LARP1: variants seen among roughly 807,000 people sequenced by gnomAD.
LARP1 encodes la-related protein 1.
In LARP1, 36 loss-of-function variants were observed where a neutral mutation model predicts 122.7. That is an observed-to-expected ratio of 0.29 (90% CI 0.22 to 0.39). The LOEUF is 0.39. LARP1 is among the 10% of genes least tolerant of loss of function. The pLI is 1.00. For missense variants in LARP1, 1,040 were observed against 1,403.6 expected, an observed-to-expected ratio of 0.74 and a Z score of 4.14; for synonymous variants, 539 against 528.7, an observed-to-expected ratio of 1.02 and a Z score of -0.27.
chr5:154,800,671 TTAC>T (rs976896832), intron 10 of LARP1, among the ~76,000 whole-genome samples: 9 of 152,192 alleles, frequency 5.9e-5, no homozygotes, highest in African/African-American at 1.2e-4. Flanking sequence ...CTAACTAAAA[TTAC>T]TACTTCCTTT....
upstream of LARP1, among the ~76,000 whole-genome samples, chr5:154,709,677 C>T (rs957982246): frequency 5.7e-5 from 8 of 140,480 alleles, no homozygotes. Flanking sequence ...GTGACCAAGG[C>T]GAGTGTGCAG....
At chr5:154,705,059 A>C (rs991964166) in intron 1 of LARP1, among the ~76,000 whole-genome samples, 4 of 146,464 alleles carry the variant, frequency 2.7e-5, no homozygotes, top group Non-Finnish European at 6.0e-5. Context: ...CGGAGGTTGC[A>C]GTGAGCTGAG....
intron 1 of LARP1, among the ~76,000 whole-genome samples, chr5:154,781,506 T>C (rs1013238906): frequency 1.3e-5 from 2 of 151,728 alleles, no homozygotes; most frequent in Non-Finnish European, 2.9e-5. Flanking sequence ...GGCAGGAGAA[T>C]GGCGTGATCC....
At chr5:154,789,192 C>G (rs1321507508) in intron 1 of LARP1, among the ~76,000 whole-genome samples, 1 of 145,718 alleles carries the variant, frequency 6.9e-6, no homozygotes, top group African/African-American at 2.5e-5. Flanking sequence ...GCCTGGGTGA[C>G]AGAGCGAGAC....
intron 1 of LARP1, among the ~76,000 whole-genome samples, chr5:154,786,188 G>A (rs1052619291): frequency 7.0e-4 from 107 of 152,076 alleles, no homozygotes; most frequent in African/African-American, 2.5e-3. Flanking sequence ...GAATACAGGC[G>A]CCCACCACAC....
At chr5:154,784,954 G>GT (rs1433123220) in intron 1 of LARP1, among the ~76,000 whole-genome samples, 3 of 152,212 alleles carry the variant, frequency 2.0e-5, no homozygotes, top group Non-Finnish European at 2.9e-5. Flanking sequence ...AGCCTGGCCT[G>GT]TTTTCCTTTT....
At chr5:154,686,430 G>A (rs1330528610) in intron 1 of LARP1, among the ~76,000 whole-genome samples, 1 of 152,206 alleles carries the variant, frequency 6.6e-6, no homozygotes, top group Non-Finnish European at 1.5e-5. Context: ...AAAGTTCAAT[G>A]TGTTCCTAAG....
At chr5:154,799,389 G>C (rs374337801) in intron 8 of LARP1, among the ~76,000 whole-genome samples, 20 of 152,236 alleles carry the variant, frequency 1.3e-4, no homozygotes, top group African/African-American at 4.6e-4. Context: ...AAAAGGGTAG[G>C]TGTATTTATT....
At chr5:154,687,711 A>G (rs1435715858) in intron 1 of LARP1, among the ~76,000 whole-genome samples, 2 of 152,068 alleles carry the variant, frequency 1.3e-5, no homozygotes, top group Non-Finnish European at 2.9e-5. Context: ...GAGGCTGGGC[A>G]CTCATGCCAG....
intron 8 of LARP1, among the ~76,000 whole-genome samples, chr5:154,796,903 G>A (rs971258518): frequency 6.6e-6 from 1 of 152,112 alleles, no homozygotes; most frequent in African/African-American, 2.4e-5. Flanking sequence ...AGTGAGATTT[G>A]GTGGTTTGTT....
chr5:154,711,419 C>T (rs189868879), upstream of LARP1, among the ~76,000 whole-genome samples: 88 of 152,186 alleles, frequency 5.8e-4, no homozygotes, highest in Non-Finnish European at 1.1e-3. Flanking sequence ...GGATTACAGG[C>T]GTGAGCCACC....
At chr5:154,801,681 G>C (rs1758364288) in intron 10 of LARP1, among the ~76,000 whole-genome samples, 1 of 152,314 alleles carries the variant, frequency 6.6e-6, no homozygotes, top group African/African-American at 2.4e-5. Context: ...CTGAACTTCT[G>C]TGTGTCCACT....
At chr5:154,684,557 C>T (rs886839539) in intron 1 of LARP1, among the ~76,000 whole-genome samples, 3 of 152,104 alleles carry the variant, frequency 2.0e-5, no homozygotes, top group African/African-American at 7.2e-5. Flanking sequence ...GACCCTCCTG[C>T]CTTTGAGTAG....
chr5:154,740,033 T>C (rs1299541866), intron 1 of LARP1, among the ~76,000 whole-genome samples: 1 of 139,362 alleles, frequency 7.2e-6, no homozygotes, highest in Non-Finnish European at 1.5e-5. Context: ...ACCTTGTCTC[T>C]AAAAATGCCA....
intron 13 of LARP1, 27 bp from the exon 14 acceptor site, chr5:154,804,174 T>C (rs1758567099): frequency 3.2e-6 from 5 of 1,572,538 alleles, no homozygotes; most frequent in Non-Finnish European, 4.4e-6. Context: ...GTACAAACAG[T>C]AACAAACCCT....
intron 1 of LARP1, chr5:154,713,211 C>A (rs2113300384): frequency 3.3e-6 from 4 of 1,230,520 alleles, no homozygotes; most frequent in Non-Finnish European, 4.6e-6. Flanking sequence ...GGGGCAGAAA[C>A]CTTGGGTGCT....
At chr5:154,806,064 C>G (rs1193374064) in intron 15 of LARP1, 32 bp downstream of exon 15, 4 of 1,608,498 alleles carry the variant, frequency 2.5e-6, no homozygotes, top group Non-Finnish European at 3.4e-6. Context: ...AGATGAGCCT[C>G]TGGGCCCGTT....
chr5:154,792,499 C>T, intron 3 of LARP1, 123 bp from the exon 4 acceptor site: 3 of 841,542 alleles, frequency 3.6e-6, no homozygotes, highest in Non-Finnish European at 5.8e-6. Context: ...TAGAATACAT[C>T]CCATCCAGCC....
rs184749093 is a variant in LARP1, at chr5:154,737,006, T to C, written c.205+23876T>C. 1.6e-4 allele frequency among the ~76,000 whole-genome samples: 24 copies of C among 152,280 alleles called. No individual in the cohort carries two copies. The East Asian group carries it at 3.9e-3, about 24-fold the overall frequency. Reference sequence around the variant, plus strand: ...GTTATTTTCTGGTTTGTTTTGATAGTAGCCATCCTAATGTGTGTGAGGTGA... The same window carrying C: ...GTTATTTTCTGGTTTGTTTTGATAGCAGCCATCCTAATGTGTGTGAGGTGA... On this transcript the variant is annotated intron_variant, in intron 1 of 18. Coordinates refer to the LARP1 transcript ENST00000336314.
Sources: gnomAD v4.1 joint callset for allele counts (sites outside exome capture counted in the v4.1 genomes callset) on GRCh38, gnomAD v4.1.1 for gene constraint, MANE v1.5 for transcripts, NCBI Gene and HGNC (gene_info 2026-07-23, HGNC 2026-07-21) for gene names.